The following HACE1 variants were observed in gnomAD, a reference collection of about 807,000 sequenced individuals.
HACE1 encodes HECT domain and ankyrin repeat containing E3 ubiquitin protein ligase 1.
HACE1 carries 73 observed loss-of-function variants against 118.4 expected under a neutral mutation model. The observed-to-expected ratio is 0.62, with a 90% confidence interval of 0.51 to 0.75. The LOEUF (loss-of-function observed/expected upper bound fraction) is 0.75, where lower values mean the gene tolerates loss of function less well. Among genes scored for constraint, HACE1 ranks in the 30% least tolerant of loss-of-function variants. The probability of loss-of-function intolerance (pLI) is 0.00; values close to 1 mark genes in which losing one functional copy is unlikely to be tolerated. For synonymous variants in HACE1, 368 were observed against 374.8 expected (o/e 0.98, Z 0.21); for missense variants, 749 against 1,102.2 (o/e 0.68, Z 4.54).
intron 14 of HACE1, chr6:104,780,207 C>A: frequency 4.5e-6 from 1 of 220,310 alleles, no homozygotes; most frequent in Non-Finnish European, 9.3e-6. Context: ...GAAATAAAAA[C>A]AAATGGAACC....
At chr6:104,829,251 A>T (rs1773623268) in intron 6 of HACE1, among the ~76,000 whole-genome samples, 1 of 152,118 alleles carries the variant, frequency 6.6e-6, no homozygotes, top group African/African-American at 2.4e-5. Context: ...TGTTCAACTT[A>T]TGGAAAGATA....
intron 22 of HACE1, among the ~76,000 whole-genome samples, chr6:104,738,658 T>C (rs955968369): frequency 2.0e-5 from 3 of 149,356 alleles, no homozygotes; most frequent in Non-Finnish European, 3.0e-5. Context: ...CCAAGAAATA[T>C]GGGACTATGT....
At chr6:104,734,861 C>T (rs1279957038) in intron 22 of HACE1, among the ~76,000 whole-genome samples, 1 of 152,130 alleles carries the variant, frequency 6.6e-6, no homozygotes, top group East Asian at 1.9e-4. Context: ...CTGATTTCTG[C>T]ATCTTAAAGA....
rs1257239595 is a variant in HACE1 at position 104,852,315 on chromosome 6, A to G, written c.131+2T>C. 1 of 1,607,918 alleles carries G rather than the reference A, an allele frequency of 6.2e-7. No individual in the cohort carries two copies. On this transcript the variant is annotated splice_donor_variant, in intron 2 of 23. Coordinates refer to ENST00000262903, the MANE Select transcript of HACE1 (RefSeq NM_020771.4). LOFTEE classifies it high-confidence loss of function. ...GCAAAAATTTTTGGAACAAGCACTC[A>G]CCTGTGTTGATCAGCCATAACCATT...
chr6:104,818,773 G>T (rs1200776996), intron 6 of HACE1, among the ~76,000 whole-genome samples: 1 of 151,694 alleles, frequency 6.6e-6, no homozygotes, highest in African/African-American at 2.4e-5. Flanking sequence ...CAGAACTAAA[G>T]ACAAAAACCA....
intron 11 of HACE1, among the ~76,000 whole-genome samples, chr6:104,789,846 C>T (rs1313247230): frequency 2.0e-5 from 3 of 151,984 alleles, no homozygotes; most frequent in Non-Finnish European, 2.9e-5. Flanking sequence ...AAGTGAGCCA[C>T]GCCAGAACAC....
At chr6:104,756,442 TATATAC>T (rs1471574443) in intron 19 of HACE1, among the ~76,000 whole-genome samples, 18 of 146,292 alleles carry the variant, frequency 1.2e-4, no homozygotes, top group African/African-American at 4.0e-4. Context: ...TATATATATA[TATATAC>T]ACACACACAC....
chr6:104,856,550 TC>T (rs1002204792), intron 1 of HACE1, among the ~76,000 whole-genome samples: 4 of 152,040 alleles, frequency 2.6e-5, no homozygotes, highest in Non-Finnish European at 5.9e-5. Flanking sequence ...TTCTCCTGCC[TC>T]AGCCTCCCAA....
chr6:104,793,348 A>G (rs1450514138), intron 10 of HACE1, among the ~76,000 whole-genome samples: 1 of 151,772 alleles, frequency 6.6e-6, no homozygotes, highest in Non-Finnish European at 1.5e-5. Context: ...ATATGGGTAT[A>G]TTCTTATTCA....
At chr6:104,733,316 T>A (rs1233376409) in intron 22 of HACE1, among the ~76,000 whole-genome samples, 1 of 152,214 alleles carries the variant, frequency 6.6e-6, no homozygotes, top group African/African-American at 2.4e-5. Flanking sequence ...TTTAACATCT[T>A]AATTAAAATT....
chr6:104,765,285 T>A (rs1276876312), intron 19 of HACE1, among the ~76,000 whole-genome samples: 1 of 152,170 alleles, frequency 6.6e-6, no homozygotes, highest in Admixed American at 6.5e-5. Flanking sequence ...GCTAGCATAA[T>A]AATGGACTGG....
intron 10 of HACE1, among the ~76,000 whole-genome samples, chr6:104,792,986 T>C (rs1783199954): frequency 6.6e-6 from 1 of 152,098 alleles, no homozygotes; most frequent in Non-Finnish European, 1.5e-5. Context: ...ATAGTTGCTT[T>C]TGCCGGGCGT....
chr6:104,796,202 C>T (rs1319179757), intron 9 of HACE1, among the ~76,000 whole-genome samples: 1 of 152,136 alleles, frequency 6.6e-6, no homozygotes, highest in African/African-American at 2.4e-5. Context: ...GCTCAACCTC[C>T]TGGGCTCAAT....
chr6:104,803,561 T>C (rs1770642044), intron 7 of HACE1, among the ~76,000 whole-genome samples: 1 of 152,114 alleles, frequency 6.6e-6, no homozygotes, highest in Non-Finnish European at 1.5e-5. Context: ...TGGCTCAACA[T>C]ATGCAAATCA....
chr6:104,803,330 T>TA (rs1201327153), intron 7 of HACE1, among the ~76,000 whole-genome samples: 1 of 151,962 alleles, frequency 6.6e-6, no homozygotes, highest in Non-Finnish European at 1.5e-5. Flanking sequence ...TTCCAATCAA[T>TA]AGAAAAAGAG....
At chr6:104,791,395 A>C in intron 11 of HACE1, 109 bp downstream of exon 11, 1 of 990,264 alleles carries the variant, frequency 1.0e-6, no homozygotes, top group East Asian at 2.4e-5. Flanking sequence ...ATATGGGTAT[A>C]AACCAAACTT....
chr6:104,737,873 C>T (rs1213328164), intron 22 of HACE1, among the ~76,000 whole-genome samples: 1 of 152,214 alleles, frequency 6.6e-6, no homozygotes, highest in Admixed American at 6.5e-5. Flanking sequence ...CCTCTGGGGG[C>T]AGGGCACAGA....
chr6:104,760,351 G>A (rs188925172), intron 19 of HACE1, among the ~76,000 whole-genome samples: 1 of 152,144 alleles, frequency 6.6e-6, no homozygotes, highest in African/African-American at 2.4e-5. Flanking sequence ...TATCCACCAC[G>A]ATCAAGTCGG....
intron 4 of HACE1, among the ~76,000 whole-genome samples, chr6:104,848,378 C>T (rs1775868157): frequency 6.6e-6 from 1 of 150,548 alleles, no homozygotes; most frequent in Non-Finnish European, 1.5e-5. Context: ...ATCACTTGAA[C>T]TCGGGAGATA....
Sources: gnomAD v4.1 joint callset for allele counts (sites outside exome capture counted in the v4.1 genomes callset) on GRCh38, gnomAD v4.1.1 for gene constraint, MANE v1.5 for transcripts, NCBI Gene and HGNC (gene_info 2026-07-23, HGNC 2026-07-21) for gene names.